PRMT8: variants seen among roughly 807,000 people sequenced by gnomAD.
PRMT8 encodes the protein protein arginine N-methyltransferase 8.
In PRMT8, 7 loss-of-function variants were observed where a neutral mutation model predicts 47.1. The ratio of observed to expected loss-of-function variants is 0.15; its 90% CI spans 0.08 to 0.28. The LOEUF (loss-of-function observed/expected upper bound fraction) is 0.28. Among genes scored for constraint, PRMT8 ranks in the 10% least tolerant of loss-of-function variants. The pLI, the probability that PRMT8 is intolerant of heterozygous loss-of-function variation, is 1.00. For synonymous variants in PRMT8, 188 were observed against 186.5 expected (o/e 1.01, Z -0.07); for missense variants, 237 against 505.4 (o/e 0.47, Z 5.09).
chr12:3,482,669 C>A (rs1865285538), intron 1 of PRMT8, among the ~76,000 whole-genome samples: 1 of 152,154 alleles, frequency 6.6e-6, no homozygotes, highest in South Asian at 2.1e-4. Context: ...ACTCTGGCCT[C>A]TGGGGCTGGG....
In PRMT8 at chr12:3,478,306, A is replaced by ACC. The variant is rs1428306035; in HGVS notation, c.49-62300_49-62299insCC. Among the ~76,000 whole-genome samples, 265 of 137,556 alleles carry ACC rather than the reference A, an allele frequency of 1.9e-3. 1 individual carries two copies. The highest frequency in any genetic ancestry group is 6.0e-3 in the African/African-American group (217 of 36,214). The allele number at this position is 137,556 out of a possible 152,430, so 90.2% of individuals were successfully genotyped here. On this transcript the variant is annotated intron_variant, in intron 1 of 9. Coordinates refer to the PRMT8 transcript ENST00000452611. Reference sequence around the variant, plus strand: ...TATCTATCTATCTATCTATCTATCTATCTACCTACCTATCTATCTGTCTGT... The same window carrying ACC: ...TATCTATCTATCTATCTATCTATCTACCTCTACCTACCTATCTATCTGTCTGT...
intron 3 of PRMT8, chr12:3,551,536 T>A (rs1866421821): frequency 6.6e-6 from 1 of 152,220 alleles, no homozygotes; most frequent in Non-Finnish European, 1.5e-5. Flanking sequence ...GGGCTGAGCA[T>A]GGTGTCCCTG....
At chr12:3,590,050 T>G (rs367726343) in intron 8 of PRMT8, among the ~76,000 whole-genome samples, 7 of 152,214 alleles carry the variant, frequency 4.6e-5, no homozygotes, top group African/African-American at 1.7e-4. Context: ...TGGGAGCAGG[T>G]GGACTTTGTC....
chr12:3,444,906 A>G (rs1384761620), intron 1 of PRMT8, among the ~76,000 whole-genome samples: 1 of 152,204 alleles, frequency 6.6e-6, no homozygotes, highest in Non-Finnish European at 1.5e-5. Flanking sequence ...AGGAAAAGAC[A>G]GTGGGTAGTG....
rs1864091144 is a variant in PRMT8 at position 3,381,514 on chromosome 12, C to A, written c.48+72C>A. The A allele has an allele frequency of 3.5e-6, 5 of 1,440,892 alleles. No individual in the cohort carries two copies. In the East Asian group the frequency reaches 9.9e-5, roughly 29 times the overall value. 89.3% of individuals were successfully genotyped at this position (1,440,892 alleles called of 1,614,324 possible). ...GTGAAATAGTGCAATTTATCTTGAC[C>A]CCGTGTGGGCTGTTGGCTTTTTTCC... is the stretch of plus-strand genomic sequence containing the variant. On this transcript the variant is annotated intron_variant, in intron 1 of 9. Coordinates refer to the PRMT8 transcript ENST00000452611.
chr12:3,521,719 C>T (rs1251702214), intron 1 of PRMT8, among the ~76,000 whole-genome samples: 2 of 152,168 alleles, frequency 1.3e-5, no homozygotes, highest in Admixed American at 1.3e-4. Context: ...TGAGTTAAGG[C>T]CATTTCAAAT....
At chr12:3,460,953 C>T (rs181296131) in intron 1 of PRMT8, among the ~76,000 whole-genome samples, 54 of 152,292 alleles carry the variant, frequency 3.5e-4, no homozygotes, top group African/African-American at 9.9e-4. Flanking sequence ...TGTGTTGCTC[C>T]GGACTTACCT....
At position 3,552,480 on chromosome 12, in the gene PRMT8, G is replaced by A. The variant is rs752423311; in HGVS notation, c.418-1171G>A. 19 of 269,636 alleles carry A rather than the reference G, an allele frequency of 7.0e-5. No individual in the cohort carries two copies. Among genetic ancestry groups the A allele is most frequent in the Non-Finnish European group, 1.2e-4 (16 of 133,292 alleles). The allele number at this position is 269,636 out of a possible 1,614,324, so 16.7% of individuals were successfully genotyped here. On this transcript the variant is annotated intron_variant, in intron 3 of 9. Transcript: ENST00000382622. This position sits in a 1 kb window ranked among gnomAD's most constrained non-coding sequence, Gnocchi z 4.5. ...ATAAATCCAGGCCTGGCTCCGGGTCGCATGCTCCTCATCACTCAACATGGT... is the reference window on the plus strand; with the variant it reads ...ATAAATCCAGGCCTGGCTCCGGGTCACATGCTCCTCATCACTCAACATGGT...
intron 1 of PRMT8, among the ~76,000 whole-genome samples, chr12:3,539,488 C>T (rs947418339): frequency 6.6e-6 from 1 of 152,158 alleles, no homozygotes; most frequent in African/African-American, 2.4e-5. Flanking sequence ...AGAGGACTGA[C>T]TACTAGATAA....
chr12:3,403,355 ATGGATGC>A (rs1360678466), intron 1 of PRMT8, among the ~76,000 whole-genome samples: 1 of 152,052 alleles, frequency 6.6e-6, no homozygotes, highest in Non-Finnish European at 1.5e-5. Flanking sequence ...AGAATAGCTA[ATGGATGC>A]TGGGCTTAAT....
intron 1 of PRMT8, among the ~76,000 whole-genome samples, chr12:3,407,206 G>C (rs770709386): frequency 2.6e-4 from 39 of 152,044 alleles, no homozygotes; most frequent in Non-Finnish European, 4.9e-4. Flanking sequence ...CAGCATGAGG[G>C]TAACCACCCT....
At chr12:3,491,775 A>G (rs1865406627) in intron 1 of PRMT8, 75 bp downstream of exon 1, 2 of 1,529,908 alleles carry the variant, frequency 1.3e-6, no homozygotes, top group Non-Finnish European at 8.8e-7. Context: ...GCCGCCGCTC[A>G]GCGCCGAGTG....
At chr12:3,392,117 G>T (rs1169272764) in intron 1 of PRMT8, among the ~76,000 whole-genome samples, 1 of 152,122 alleles carries the variant, frequency 6.6e-6, no homozygotes, top group Non-Finnish European at 1.5e-5. Flanking sequence ...TGGCATCAGA[G>T]GCCAGAATTA....
chr12:3,540,161 T>G (rs1279372191), intron 1 of PRMT8, among the ~76,000 whole-genome samples: 1 of 152,196 alleles, frequency 6.6e-6, no homozygotes, highest in Non-Finnish European at 1.5e-5. Flanking sequence ...GAGAAGTTCA[T>G]AAGTTTGCCC....
At chr12:3,518,025 T>G (rs1865823040) in intron 1 of PRMT8, among the ~76,000 whole-genome samples, 1 of 75,734 alleles carries the variant, frequency 1.3e-5, no homozygotes, top group African/African-American at 5.5e-5. Context: ...CTAACCCACA[T>G]GTTTCCCCTT....
rs1555085718 is a variant in PRMT8, at chr12:3,496,214, A to AT, written c.75+4540dup. 6.5e-4 allele frequency among the ~76,000 whole-genome samples: 18 copies of AT among 27,776 alleles called. 1 individual carries two copies. Among genetic ancestry groups the AT allele is most frequent in the South Asian group, 2.6e-3 (1 of 392 alleles). 18.2% of individuals were successfully genotyped at this position (27,776 alleles called of 152,430 possible). On this transcript the variant is annotated intron_variant, in intron 1 of 9. Coordinates refer to ENST00000382622, the MANE Select transcript of PRMT8 (RefSeq NM_019854.5). Reference sequence around the variant, plus strand: ...TTTGGAAACTGATATATATATATATATTTTTTTTTTTTTTTTTTTTTTTTT... The same window carrying AT: ...TTTGGAAACTGATATATATATATATATTTTTTTTTTTTTTTTTTTTTTTTTT...
At chr12:3,397,168 A>G (rs1352788080) in intron 1 of PRMT8, among the ~76,000 whole-genome samples, 1 of 151,636 alleles carries the variant, frequency 6.6e-6, no homozygotes, top group Admixed American at 6.5e-5. Flanking sequence ...ATGTCCTCCC[A>G]TAGCTTGGAG....
chr12:3,398,288 G>A (rs953487746), intron 1 of PRMT8, among the ~76,000 whole-genome samples: 2 of 152,172 alleles, frequency 1.3e-5, no homozygotes, highest in Admixed American at 1.3e-4. Context: ...GATTTTACAG[G>A]TGTGGGGCCG....
Position 3,409,061 on chromosome 12 carries a change from C to T in PRMT8, c.48+27619C>T, listed in dbSNP as rs542163091. 6.6e-6 allele frequency among the ~76,000 whole-genome samples: 1 copy of T among 152,274 alleles called. No individual in the cohort carries two copies. Among genetic ancestry groups the T allele is most frequent in the Admixed American group, 6.5e-5 (1 of 15,282 alleles). ...TCTGGGGTGCAGGTGCTCAGAGTGG[C>T]TGTAAAGCCCAAGTCCTGGGCCCAG... On this transcript the variant is annotated intron_variant, in intron 1 of 9. Coordinates refer to the PRMT8 transcript ENST00000452611. The surrounding 1 kb of genome is among the most constrained non-coding windows in gnomAD (Gnocchi z 4.4).
Sources: gnomAD v4.1 joint callset for allele counts (sites outside exome capture counted in the v4.1 genomes callset) on GRCh38, gnomAD v4.1.1 for gene constraint, Gnocchi (gnomAD v3.1) non-coding constraint, MANE v1.5 for transcripts, NCBI Gene and HGNC (gene_info 2026-07-23, HGNC 2026-07-21) for gene names.